JAKMIP1: variants seen among roughly 807,000 people sequenced by gnomAD.
The protein encoded by JAKMIP1 is janus kinase and microtubule interacting protein 1, also known as janus kinase and microtubule-interacting protein 1.
Under a neutral mutation model 113.0 loss-of-function variants are expected in JAKMIP1, and 33 were observed. The ratio of observed to expected loss-of-function variants is 0.29; its 90% CI spans 0.22 to 0.39. The LOEUF is 0.39. Among genes scored for constraint, JAKMIP1 ranks in the 10% least tolerant of loss-of-function variants. The pLI is 1.00. For missense variants in JAKMIP1, 813 were observed against 1,080.5 expected (o/e 0.75, Z 3.47); for synonymous variants, 480 against 459.9 (o/e 1.04, Z -0.56).
At chr4:6,172,411 A>G (rs1724836151) in intron 1 of JAKMIP1, among the ~76,000 whole-genome samples, 1 of 152,190 alleles carries the variant, frequency 6.6e-6, no homozygotes, top group South Asian at 2.1e-4. Context: ...TGGAAAGACA[A>G]GAGACCCAGG....
chr4:6,182,825 T>C (rs930609797), intron 1 of JAKMIP1, among the ~76,000 whole-genome samples: 21 of 152,186 alleles, frequency 1.4e-4, no homozygotes, highest in African/African-American at 5.1e-4. Flanking sequence ...CGTTTCTAGA[T>C]ACAACTGCTC....
chr4:6,058,267 A>G (rs536668093), intron 11 of JAKMIP1, among the ~76,000 whole-genome samples: 16 of 152,360 alleles, frequency 1.1e-4, no homozygotes, highest in South Asian at 8.3e-4. Context: ...AGAATAAATC[A>G]TAAGTGTTAA....
At chr4:6,035,196 T>C (rs1385699838) in intron 19 of JAKMIP1, among the ~76,000 whole-genome samples, 3 of 151,976 alleles carry the variant, frequency 2.0e-5, no homozygotes, top group African/African-American at 7.3e-5. Flanking sequence ...CCCTCCCCAC[T>C]GGTAATCTAG....
intron 1 of JAKMIP1, among the ~76,000 whole-genome samples, chr4:6,148,641 G>C (rs1721171683): frequency 6.6e-6 from 1 of 152,266 alleles, no homozygotes; most frequent in East Asian, 1.9e-4. Context: ...AGGAAGAAGG[G>C]AGGATGCAGG....
rs186581848 is a variant in JAKMIP1, at chr4:6,108,720, T to C, written c.130-2753A>G. On this transcript the variant is annotated intron_variant, in intron 2 of 20. Transcript: ENST00000409021. The surrounding 1 kb of genome is among the most constrained non-coding windows in gnomAD (Gnocchi z 5.6). ...CACTACTCTGAAACCATCATACATGTATAGTGTTGAACAAAGAAAGTGGAT... is the reference window on the plus strand; with the variant it reads ...CACTACTCTGAAACCATCATACATGCATAGTGTTGAACAAAGAAAGTGGAT... 1.5e-4 allele frequency among the ~76,000 whole-genome samples: 23 copies of C among 152,256 alleles called. 1 individual carries two copies. In the East Asian group the frequency reaches 4.4e-3, roughly 29 times the overall value.
At chr4:6,164,797 A>G (rs1195724664) in intron 1 of JAKMIP1, among the ~76,000 whole-genome samples, 1 of 152,254 alleles carries the variant, frequency 6.6e-6, no homozygotes, top group East Asian at 1.9e-4. Flanking sequence ...CAAGAGAATT[A>G]GAATGAGAAG....
chr4:6,197,292 C>T lies in JAKMIP1; in HGVS notation c.-148+2961G>A, dbSNP rs1727958921. On this transcript the variant is annotated intron_variant, in intron 1 of 20. Transcript: ENST00000409021. This position sits in a 1 kb window ranked among gnomAD's most constrained non-coding sequence, Gnocchi z 6.5. ...ACCTCTCAGCCCACCACAATGGTGG[C>T]CACTGCTCTGATCATTAGTTTCATC... is the stretch of plus-strand genomic sequence containing the variant. 6.6e-6 allele frequency among the ~76,000 whole-genome samples: 1 copy of T among 152,186 alleles called. No individual in the cohort carries two copies. The highest frequency in any genetic ancestry group is 6.5e-5 in the Admixed American group (1 of 15,274).
intron 1 of JAKMIP1, among the ~76,000 whole-genome samples, chr4:6,191,918 T>TTTATTTA (rs1194145215): frequency 2.0e-5 from 3 of 148,488 alleles, no homozygotes; most frequent in Admixed American, 6.7e-5. Context: ...GTGCATTTTA[T>TTTATTTA]TTATTTATTT....
intron 8 of JAKMIP1, among the ~76,000 whole-genome samples, chr4:6,073,914 G>T (rs1286563774): frequency 6.6e-6 from 1 of 152,244 alleles, no homozygotes; most frequent in Non-Finnish European, 1.5e-5. Flanking sequence ...TACAGCTTCT[G>T]TGCAAGTTCC....
chr4:6,115,376 C>T (rs1446812031), intron 1 of JAKMIP1, among the ~76,000 whole-genome samples: 1 of 152,208 alleles, frequency 6.6e-6, no homozygotes, highest in African/African-American at 2.4e-5. Context: ...TGCCATTGCA[C>T]CCCAGCCTGG....
At position 6,049,767 on chromosome 4, in the gene JAKMIP1, C is replaced by T. The variant is rs1715431496; in HGVS notation, c.1962+52G>A. The stretch of plus-strand genomic sequence containing the variant: ...AACAAAACAAAAGTCACACAGAATA[C>T]ACCCAGATCAAAACAAGAACACGAA... On this transcript the variant is annotated intron_variant, in intron 15 of 20. Transcript: ENST00000409021. This position sits in a 1 kb window ranked among gnomAD's most constrained non-coding sequence, Gnocchi z 7.0. 4 of 1,317,856 alleles carry T rather than the reference C, an allele frequency of 3.0e-6. No homozygotes were observed. Among genetic ancestry groups the T allele is most frequent in the Non-Finnish European group, 4.4e-6 (4 of 912,052 alleles). 81.6% of individuals were successfully genotyped at this position (1,317,856 alleles called of 1,614,324 possible).
chr4:6,190,174 T>C (rs1056545101), intron 1 of JAKMIP1, among the ~76,000 whole-genome samples: 10 of 148,658 alleles, frequency 6.7e-5, no homozygotes, highest in African/African-American at 2.5e-4. Context: ...ATGGGGGAAA[T>C]GATGGGAGCT....
chr4:6,072,231 C>T (rs551754700), intron 8 of JAKMIP1, among the ~76,000 whole-genome samples: 7 of 152,326 alleles, frequency 4.6e-5, no homozygotes, highest in Admixed American at 3.9e-4. Flanking sequence ...CCCTCCAGCC[C>T]GCTTTTCCCC....
chr4:6,083,861 T>G (rs1317242977), intron 5 of JAKMIP1, among the ~76,000 whole-genome samples: 1 of 152,234 alleles, frequency 6.6e-6, no homozygotes, highest in Non-Finnish European at 1.5e-5. Context: ...AACATATTCA[T>G]GAAATTTCTA....
intron 17 of JAKMIP1, among the ~76,000 whole-genome samples, chr4:6,041,025 CCTT>C (rs1714241121): frequency 6.6e-6 from 1 of 152,102 alleles, no homozygotes; most frequent in Non-Finnish European, 1.5e-5. Context: ...TCACAGGAGT[CCTT>C]CTAGGTTCCT....
At chr4:6,041,811 C>G (rs1714349312) in intron 17 of JAKMIP1, among the ~76,000 whole-genome samples, 1 of 152,188 alleles carries the variant, frequency 6.6e-6, no homozygotes, top group African/African-American at 2.4e-5. Flanking sequence ...CTGTGTCTCT[C>G]CTAACATCCT....
intron 8 of JAKMIP1, among the ~76,000 whole-genome samples, chr4:6,068,211 C>T (rs1026307798): frequency 6.6e-6 from 1 of 152,196 alleles, no homozygotes; most frequent in African/African-American, 2.4e-5. Context: ...AAGGACTCAA[C>T]TCCCAAGCCC....
At chr4:6,133,565 A>G (rs1180518654) in intron 1 of JAKMIP1, among the ~76,000 whole-genome samples, 1 of 152,196 alleles carries the variant, frequency 6.6e-6, no homozygotes, top group Non-Finnish European at 1.5e-5. Flanking sequence ...TCTAGTTTCT[A>G]GCCATGATGT....
In JAKMIP1 at chr4:6,154,059, A is replaced by G. The variant is rs1352509563; in HGVS notation, c.-147-41062T>C. Among the ~76,000 whole-genome samples the G allele has an allele frequency of 6.6e-6, 1 of 152,208 alleles. No individual in the cohort carries two copies. Among genetic ancestry groups the G allele is most frequent in the Non-Finnish European group, 1.5e-5 (1 of 68,048 alleles). On this transcript the variant is annotated intron_variant, in intron 1 of 20. Coordinates refer to ENST00000409021, the MANE Select transcript of JAKMIP1 (RefSeq NM_001099433.2). The surrounding 1 kb of genome is among the most constrained non-coding windows in gnomAD (Gnocchi z 4.2). ...AGTGAGAGTTCAAGGCCATCTCTGC[A>G]GCCCCCAGACCATGCCTGGCTGACT...
Sources: allele counts gnomAD v4.1 joint callset (sites outside exome capture counted in the v4.1 genomes callset), GRCh38; gene constraint gnomAD v4.1.1; non-coding constraint Gnocchi (gnomAD v3.1); transcripts MANE v1.5; gene names NCBI Gene and HGNC (gene_info 2026-07-23, HGNC 2026-07-21).